The following SPTBN1 variants were observed in gnomAD, a reference collection of about 807,000 sequenced individuals.
SPTBN1 encodes spectrin beta chain, non-erythrocytic 1.
A neutral mutation model predicts 266.4 loss-of-function variants in SPTBN1; 32 were observed. The observed-to-expected ratio is 0.12, with a 90% CI of 0.09 to 0.16. The LOEUF (loss-of-function observed/expected upper bound fraction) is 0.16. Ranked by LOEUF, SPTBN1 falls within the 10% of genes least tolerant of loss-of-function variation. SPTBN1 has a pLI of 1.00. For missense variants in SPTBN1, 2,296 were observed against 3,067.1 expected (o/e 0.75, Z 5.94); for synonymous variants, 1,336 against 1,162.2 (o/e 1.15, Z -3.04).
intron 1 of SPTBN1, among the ~76,000 whole-genome samples, chr2:54,478,504 C>T (rs1008015099): frequency 2.6e-5 from 4 of 152,004 alleles, no homozygotes. Context: ...GGGTCTGGGC[C>T]GAACCCTGTA....
intron 1 of SPTBN1, among the ~76,000 whole-genome samples, chr2:54,486,912 C>T (rs1668427211): frequency 6.6e-6 from 1 of 152,034 alleles, no homozygotes; most frequent in South Asian, 2.1e-4. Context: ...ACTGCTTTTG[C>T]TTTGTAACAA....
rs140447884 is a variant in SPTBN1, at chr2:54,639,124, G to A, written c.3858+1321G>A. ...CAGGAGTGCCTCTTCTAAGTGACAC[G>A]CAAGCATTAGTAACCCATTTGAGTA... On this transcript the variant is annotated intron_variant, in intron 18 of 35. Transcript: ENST00000356805. 5.3e-5 allele frequency among the ~76,000 whole-genome samples: 8 copies of A among 152,330 alleles called. No individual in the cohort carries two copies. In the East Asian group the frequency reaches 9.6e-4, roughly 18 times the overall value.
At position 54,669,379 on chromosome 2, in the gene SPTBN1, A is replaced by G. The variant is rs1175656898; in HGVS notation, c.*810A>G. 1 of 152,670 alleles carries G rather than the reference A, an allele frequency of 6.6e-6. No homozygotes were observed. Among genetic ancestry groups the G allele is most frequent in the African/African-American group, 2.4e-5 (1 of 41,472 alleles). 9.5% of individuals were successfully genotyped at this position (152,670 alleles called of 1,614,324 possible). ...GGTGGAACTGAAGCATTTACTGGAC[A>G]AAGTAATGTTACTCTAATGGTTACT... On this transcript the variant is annotated 3_prime_UTR_variant, in exon 36 of 36. Coordinates refer to ENST00000356805, the MANE Select transcript of SPTBN1 (RefSeq NM_003128.3).
At position 54,559,632 on chromosome 2, in the gene SPTBN1, A is replaced by G. The variant is rs1378578785; in HGVS notation, c.148+33066A>G. Among the ~76,000 whole-genome samples the G allele has an allele frequency of 2.0e-5, 3 of 152,180 alleles. No individual in the cohort carries two copies. In the East Asian group the frequency reaches 5.8e-4, roughly 29 times the overall value. On this transcript the variant is annotated intron_variant, in intron 2 of 35. Transcript: ENST00000356805. The stretch of plus-strand genomic sequence containing the variant: ...GTGCTGTTTTCCCTGCGGCCCCTGC[A>G]CCCCTCAGCTGTCCCTGCCCAGCCA...
chr2:54,578,283 A>C (rs995930463), intron 2 of SPTBN1, among the ~76,000 whole-genome samples: 3 of 152,228 alleles, frequency 2.0e-5, no homozygotes, highest in African/African-American at 7.2e-5. Context: ...AGAAACATGG[A>C]GTTAGGCCAG....
intron 26 of SPTBN1, among the ~76,000 whole-genome samples, chr2:54,650,501 TC>T (rs1356220981): frequency 6.6e-6 from 1 of 152,230 alleles, no homozygotes; most frequent in Non-Finnish European, 1.5e-5. Flanking sequence ...CTCTCTAGTT[TC>T]CTTTCTGATC....
chr2:54,646,061 C>T lies in SPTBN1; in HGVS notation c.4584+44C>T, dbSNP rs756609393. 1 of 1,612,566 alleles carries T rather than the reference C, an allele frequency of 6.2e-7. No individual in the cohort carries two copies. The highest frequency in any genetic ancestry group is 8.5e-7 in the Non-Finnish European group (1 of 1,178,736). ...GCTAGTTCTGTCTGATAAATAATTG[C>T]TCTAAATTATGAGACTGGGAATGGC... On this transcript the variant is annotated intron_variant, in intron 22 of 35. Transcript: ENST00000356805. The surrounding 1 kb of genome is among the most constrained non-coding windows in gnomAD (Gnocchi z 4.4).
At chr2:54,660,828 CCT>C in intron 32 of SPTBN1, 1 of 985,442 alleles carries the variant, frequency 1.0e-6, no homozygotes, top group African/African-American at 1.7e-5. Context: ...TGTCTCGCTC[CCT>C]GTCAGTGCTG....
chr2:54,582,136 A>G (rs935051575), intron 2 of SPTBN1, among the ~76,000 whole-genome samples: 1 of 152,226 alleles, frequency 6.6e-6, no homozygotes, highest in South Asian at 2.1e-4. Context: ...TGGCAGTGAT[A>G]AATTATTTCA....
At chr2:54,468,628 G>A (rs1052294266) in intron 1 of SPTBN1, among the ~76,000 whole-genome samples, 1 of 152,060 alleles carries the variant, frequency 6.6e-6, no homozygotes, top group Admixed American at 6.5e-5. Context: ...TTTTAGGGGT[G>A]GGATGTTAAA....
chr2:54,461,914 A>T (rs749106077), intron 1 of SPTBN1, among the ~76,000 whole-genome samples: 3 of 152,188 alleles, frequency 2.0e-5, no homozygotes, highest in Non-Finnish European at 4.4e-5. Context: ...TAGCAGAGTC[A>T]TAATCAGTAT....
intron 2 of SPTBN1, among the ~76,000 whole-genome samples, chr2:54,591,428 TCTTA>T (rs1675674095): frequency 6.6e-6 from 1 of 152,208 alleles, no homozygotes; most frequent in Non-Finnish European, 1.5e-5. Flanking sequence ...GATTGCTGTC[TCTTA>T]CTTAGGGGGT....
At chr2:54,509,501 G>A (rs949139746) in intron 1 of SPTBN1, among the ~76,000 whole-genome samples, 1 of 152,246 alleles carries the variant, frequency 6.6e-6, no homozygotes, top group African/African-American at 2.4e-5. Context: ...GCTGCTGCAC[G>A]GGGACATGAT....
At chr2:54,507,062 C>T (rs1434101749) in intron 1 of SPTBN1, among the ~76,000 whole-genome samples, 1 of 151,818 alleles carries the variant, frequency 6.6e-6, no homozygotes, top group Non-Finnish European at 1.5e-5. Flanking sequence ...GTGGATCTCA[C>T]AAAGTACATT....
rs1305869462 is a variant in SPTBN1, at chr2:54,631,150, T to A, written c.3103T>A (p.Ser1035Thr). The change falls in exon 16 of 36, where the codon TCT (serine) becomes ACT (threonine). Residue 1035 changes from serine to threonine, a missense_variant. Physicochemically the swap from Ser to Thr is moderately conservative, Grantham distance 58. Transcript: ENST00000356805. ...CCCCGACCAGGCCCAGGCCATCCTG[T>A]CTCGGCTGGCCGAGATCAGCGACGT... is the stretch of plus-strand genomic sequence containing the variant. The part of the protein sequence containing the change: ...EHPDQAQAIL[S>T]RLAEISDVWE... 1 of 1,614,124 alleles carries A rather than the reference T, an allele frequency of 6.2e-7. No homozygotes were observed. The highest frequency in any genetic ancestry group is 2.2e-5 in the East Asian group (1 of 44,874).
At chr2:54,550,171 A>C (rs566027492) in intron 2 of SPTBN1, among the ~76,000 whole-genome samples, 1 of 152,198 alleles carries the variant, frequency 6.6e-6, no homozygotes, top group African/African-American at 2.4e-5. Flanking sequence ...AGAGGTAGCT[A>C]TAGTATTTAT....
In SPTBN1 at chr2:54,655,184, G is replaced by A. The variant is rs768936726; in HGVS notation, c.5937G>A (p.Ala1979=). The change falls in exon 28 of 36, where the codon GCG becomes GCA. Residue 1979 remains alanine (A), a synonymous_variant. Coordinates refer to ENST00000356805, the MANE Select transcript of SPTBN1 (RefSeq NM_003128.3). ...TCIELGKSLL[A]RKHYASEEIK... ...TTGAACTTGGGAAATCCCTGTTGGC[G>A]AGAAAACACTATGCATCTGAGGAGG... 11 of 1,614,118 alleles carry A rather than the reference G, an allele frequency of 6.8e-6. No individual in the cohort carries two copies. The highest frequency in any genetic ancestry group is 1.1e-5 in the South Asian group (1 of 91,064).
At chr2:54,654,521 G>A (rs1680522457) in intron 27 of SPTBN1, among the ~76,000 whole-genome samples, 1 of 152,078 alleles carries the variant, frequency 6.6e-6, no homozygotes, top group African/African-American at 2.4e-5. Context: ...ATATTTTTTT[G>A]AAGCAGTTGT....
In SPTBN1 at chr2:54,558,756, T is replaced by A. The variant is rs755674145; in HGVS notation, c.148+32190T>A. 3 of 1,608,656 alleles carry A rather than the reference T, an allele frequency of 1.9e-6. No homozygotes were observed. Among genetic ancestry groups the A allele is most frequent in the Admixed American group, 1.7e-5 (1 of 59,594 alleles). On this transcript the variant is annotated intron_variant, in intron 2 of 35. Coordinates refer to ENST00000356805, the MANE Select transcript of SPTBN1 (RefSeq NM_003128.3). This position sits in a 1 kb window ranked among gnomAD's most constrained non-coding sequence, Gnocchi z 4.6. ...GAGCGAGATTTCCAGGGCGCAGTCCTCCGGGGCGTTACGCCGGGCATAATG... is the reference window on the plus strand; with the variant it reads ...GAGCGAGATTTCCAGGGCGCAGTCCACCGGGGCGTTACGCCGGGCATAATG...
Sources: gnomAD v4.1 joint callset for allele counts (sites outside exome capture counted in the v4.1 genomes callset) on GRCh38, gnomAD v4.1.1 for gene constraint, Gnocchi (gnomAD v3.1) non-coding constraint, MANE v1.5 for transcripts, NCBI Gene and HGNC (gene_info 2026-07-23, HGNC 2026-07-21) for gene names.